ACTR3C: variants seen among roughly 807,000 people sequenced by gnomAD.
The protein encoded by ACTR3C is actin related protein 3C, also known as actin-related protein 3C.
ACTR3C carries 18 observed loss-of-function variants against 26.3 expected under a neutral mutation model. That is an observed-to-expected ratio of 0.68 (90% CI 0.47 to 1.01). The LOEUF (loss-of-function observed/expected upper bound fraction) is 1.01. Ranked by LOEUF, ACTR3C falls within the 50% of genes least tolerant of loss-of-function variation. The pLI is 0.00. For synonymous variants in ACTR3C, 55 were observed against 94.5 expected, an observed-to-expected ratio of 0.58 and a Z score of 2.42; for missense variants, 184 against 250.7, an observed-to-expected ratio of 0.73 and a Z score of 1.80.
At chr7:149,946,546 T>TC in the ACTR3C span, among the ~76,000 whole-genome samples, 1 of 152,274 alleles carries the variant, frequency 6.6e-6, no homozygotes, top group Non-Finnish European at 1.5e-5. Flanking sequence ...AGGATTGGTT[T>TC]CCCCCATCCT....
the ACTR3C span, among the ~76,000 whole-genome samples, chr7:149,942,348 A>G: frequency 0.23 from 34,717 of 150,774 alleles, 6,214 homozygotes; most frequent in African/African-American, 0.51. Flanking sequence ...GTAAACTTCA[A>G]AAACAATGTG....
At chr7:149,985,963 G>A in the ACTR3C span, among the ~76,000 whole-genome samples, 369 of 151,908 alleles carry the variant, frequency 2.4e-3, no homozygotes, top group African/African-American at 8.5e-3. Context: ...TCCTAAAACT[G>A]CTCATTCTAA....
the ACTR3C span, chr7:150,047,655 C>A: frequency 2.9e-6 from 3 of 1,027,098 alleles, no homozygotes; most frequent in African/African-American, 4.0e-5. Flanking sequence ...GAACCGGGGC[C>A]GGCCATCCGC....
At chr7:150,042,039 C>T in the ACTR3C span, among the ~76,000 whole-genome samples, 395 of 97,804 alleles carry the variant, frequency 4.0e-3, no homozygotes, top group African/African-American at 0.012. Context: ...TTAGGAGCAA[C>T]GATGGGGGGT....
chr7:150,006,873 A>T, the ACTR3C span, among the ~76,000 whole-genome samples: 57 of 152,234 alleles, frequency 3.7e-4, no homozygotes, highest in African/African-American at 1.3e-3. Context: ...ATTTCAAAAC[A>T]TACTTCTCAA....
chr7:150,035,571 G>T, the ACTR3C span, among the ~76,000 whole-genome samples: 1 of 135,532 alleles, frequency 7.4e-6, no homozygotes, highest in Non-Finnish European at 1.6e-5. Context: ...GAGCCGGGGG[G>T]GAAGAGGGAC....
At chr7:150,310,088 C>T (rs1442640643) in intron 1 of ACTR3C, among the ~76,000 whole-genome samples, 1 of 152,098 alleles carries the variant, frequency 6.6e-6, no homozygotes, top group Non-Finnish European at 1.5e-5. Context: ...TTAGTTATCC[C>T]CACCTGCCCA....
chr7:150,188,815 C>A, the ACTR3C span, among the ~76,000 whole-genome samples: 1 of 151,440 alleles, frequency 6.6e-6, no homozygotes, highest in Admixed American at 6.6e-5. Flanking sequence ...CTCATTCCCC[C>A]CAAAATACAA....
the ACTR3C span, among the ~76,000 whole-genome samples, chr7:150,124,586 T>G: frequency 6.6e-6 from 1 of 152,126 alleles, no homozygotes; most frequent in Non-Finnish European, 1.5e-5. Context: ...CATTCTACAC[T>G]CTCCCCTGTA....
chr7:149,902,956 AG>A, the ACTR3C span, among the ~76,000 whole-genome samples: 8 of 28,762 alleles, frequency 2.8e-4, 1 homozygote, highest in African/African-American at 4.1e-4. Context: ...AAAAAAAGAA[AG>A]AAAGAGTACA....
the ACTR3C span, among the ~76,000 whole-genome samples, chr7:150,037,854 C>T: frequency 2.0e-5 from 2 of 100,794 alleles, 1 homozygote; most frequent in Non-Finnish European, 4.4e-5. Context: ...GGTGCCTCCG[C>T]CCCCAGCGAT....
chr7:150,198,942 C>T, the ACTR3C span, among the ~76,000 whole-genome samples: 1 of 135,802 alleles, frequency 7.4e-6, no homozygotes, highest in African/African-American at 3.1e-5. Context: ...GGGGGGTCAG[C>T]CCCCTGCCCG....
At chr7:150,220,106 C>G in the ACTR3C span, among the ~76,000 whole-genome samples, 1 of 147,782 alleles carries the variant, frequency 6.8e-6, no homozygotes, top group Non-Finnish European at 1.5e-5. Flanking sequence ...GTCACCGACC[C>G]CTGCAAGGGA....
At chr7:149,989,048 A>G in the ACTR3C span, among the ~76,000 whole-genome samples, 13 of 152,202 alleles carry the variant, frequency 8.5e-5, no homozygotes, top group African/African-American at 2.7e-4. Flanking sequence ...ATCAGCATCC[A>G]GAGCTCCAGA....
chr7:150,067,195 G>A, the ACTR3C span, among the ~76,000 whole-genome samples: 18 of 152,350 alleles, frequency 1.2e-4, no homozygotes, highest in African/African-American at 3.1e-4. Flanking sequence ...GGAAGGCAGC[G>A]TAGCCAGGAG....
the ACTR3C span, among the ~76,000 whole-genome samples, chr7:150,045,514 CTATA>C: frequency 6.7e-6 from 1 of 150,158 alleles, no homozygotes; most frequent in East Asian, 2.0e-4. Context: ...CGGGAGTATA[CTATA>C]TAAACACACA....
the ACTR3C span, chr7:150,040,512 C>A: frequency 6.7e-6 from 1 of 148,880 alleles, no homozygotes; most frequent in South Asian, 2.1e-4. Flanking sequence ...TGTTTGGGAT[C>A]CACAGTCTAC....
chr7:150,239,066 C>T (rs963372824), downstream of ACTR3C, among the ~76,000 whole-genome samples: 6 of 151,984 alleles, frequency 3.9e-5, no homozygotes, highest in South Asian at 4.1e-4. Flanking sequence ...CATCCACCAT[C>T]GCTGTATGTC....
intron 1 of ACTR3C, among the ~76,000 whole-genome samples, chr7:150,297,063 G>A (rs1468172961): frequency 2.0e-5 from 3 of 152,026 alleles, no homozygotes; most frequent in African/African-American, 7.3e-5. Context: ...TACAGCAGCC[G>A]AGTAGACTAA....
Sources: allele counts gnomAD v4.1 joint callset (sites outside exome capture counted in the v4.1 genomes callset), GRCh38; gene constraint gnomAD v4.1.1; transcripts MANE v1.5; gene names NCBI Gene and HGNC (gene_info 2026-07-23, HGNC 2026-07-21).